CERS6: variants seen among roughly 807,000 people sequenced by gnomAD.
CERS6 encodes the protein LAG1 homolog, ceramide synthase 6.
Under a neutral mutation model 56.8 loss-of-function variants are expected in CERS6, and 26 were observed. The ratio of observed to expected loss-of-function variants is 0.46; its 90% confidence interval spans 0.34 to 0.63. CERS6 has a LOEUF of 0.63. CERS6 is among the 30% of genes least tolerant of loss of function. The pLI is 0.01. For synonymous variants in CERS6, 164 were observed against 173.3 expected, an observed-to-expected ratio of 0.95 and a Z score of 0.42; for missense variants, 415 against 467.5, an observed-to-expected ratio of 0.89 and a Z score of 1.04.
intron 1 of CERS6, among the ~76,000 whole-genome samples, chr2:168,457,005 T>C (rs914009761): frequency 2.0e-5 from 3 of 152,136 alleles, no homozygotes; most frequent in Non-Finnish European, 4.4e-5. Flanking sequence ...CAGGCAGGGC[T>C]TCCCGCCGGG....
At chr2:168,661,711 C>T (rs1685632590) in intron 4 of CERS6, among the ~76,000 whole-genome samples, 1 of 152,160 alleles carries the variant, frequency 6.6e-6, no homozygotes, top group East Asian at 1.9e-4. Flanking sequence ...GAATCACTAG[C>T]ACCTTTGAAA....
At chr2:168,645,142 T>TATATATATAG (rs753700977) in intron 4 of CERS6, among the ~76,000 whole-genome samples, 1 of 12,746 alleles carries the variant, frequency 7.8e-5, no homozygotes, top group Non-Finnish European at 1.5e-4. Flanking sequence ...TATATATATA[T>TATATATATAG]AGAGAGAGAG....
chr2:168,699,713 G>A lies in CERS6; in HGVS notation c.609+4662G>A, dbSNP rs776896593. 2.6e-5 allele frequency among the ~76,000 whole-genome samples: 4 copies of A among 151,936 alleles called. 1 individual carries two copies. The highest frequency in any genetic ancestry group is 6.4e-3 in the Middle Eastern group (2 of 314). On this transcript the variant is annotated intron_variant, in intron 6 of 9. Coordinates refer to ENST00000305747, the MANE Select transcript of CERS6 (RefSeq NM_203463.3). ...TCACTTGTAATCATTTCCAGAGTTG[G>A]TACTTATTTGGTCAGTGATGAGAAA...
chr2:168,481,413 C>T (rs1307856295), intron 1 of CERS6, among the ~76,000 whole-genome samples: 1 of 149,014 alleles, frequency 6.7e-6, no homozygotes, highest in African/African-American at 2.5e-5. Flanking sequence ...GACTCCGTCT[C>T]AAAAAAAAAC....
chr2:168,629,982 A>G (rs1417473276), intron 3 of CERS6, among the ~76,000 whole-genome samples: 1 of 151,742 alleles, frequency 6.6e-6, no homozygotes, highest in Non-Finnish European at 1.5e-5. Flanking sequence ...AAGCCTGTCT[A>G]ATTTTTTGTA....
At chr2:168,658,358 G>T (rs943659440) in intron 4 of CERS6, among the ~76,000 whole-genome samples, 1 of 152,182 alleles carries the variant, frequency 6.6e-6, no homozygotes, top group East Asian at 1.9e-4. Context: ...TTGCCTTTGC[G>T]TTGTTATGAT....
chr2:168,472,276 C>T (rs1693991028), intron 1 of CERS6, among the ~76,000 whole-genome samples: 2 of 152,166 alleles, frequency 1.3e-5, no homozygotes, highest in Non-Finnish European at 1.5e-5. Context: ...TGAATTATCA[C>T]AGCAAAGTGA....
intron 1 of CERS6, among the ~76,000 whole-genome samples, chr2:168,546,998 T>C (rs1381522576): frequency 2.0e-5 from 3 of 152,216 alleles, no homozygotes; most frequent in Admixed American, 1.3e-4. Context: ...CACTTGCGAC[T>C]TTTCATCTTG....
chr2:168,747,998 C>T (rs1437000964), intron 8 of CERS6, among the ~76,000 whole-genome samples: 1 of 152,096 alleles, frequency 6.6e-6, no homozygotes, highest in Non-Finnish European at 1.5e-5. Context: ...TTTCATAAGC[C>T]AGTTGTATTT....
intron 1 of CERS6, among the ~76,000 whole-genome samples, chr2:168,461,219 T>C (rs1490968718): frequency 6.6e-6 from 1 of 152,154 alleles, no homozygotes; most frequent in Non-Finnish European, 1.5e-5. Flanking sequence ...ATGCAATCAG[T>C]GCTGGATGTT....
intron 7 of CERS6, among the ~76,000 whole-genome samples, chr2:168,715,732 G>C (rs1471674583): frequency 1.3e-5 from 2 of 151,856 alleles, no homozygotes; most frequent in Non-Finnish European, 2.9e-5. Flanking sequence ...TATTTCAAAA[G>C]GTAAAATCCC....
intron 8 of CERS6, among the ~76,000 whole-genome samples, chr2:168,746,062 G>C (rs11883462): frequency 0.013 from 2,016 of 152,168 alleles, 47 homozygotes; most frequent in African/African-American, 0.046. Context: ...CGTTGCCAGA[G>C]CCTGGTAGGA....
chr2:168,661,779 G>A (rs1452528722), intron 4 of CERS6, among the ~76,000 whole-genome samples: 1 of 152,198 alleles, frequency 6.6e-6, no homozygotes, highest in African/African-American at 2.4e-5. Context: ...AAGCATTAAA[G>A]CTGCCTGGCT....
chr2:168,669,660 A>G (rs911668592), intron 4 of CERS6, among the ~76,000 whole-genome samples: 14 of 152,330 alleles, frequency 9.2e-5, no homozygotes, highest in African/African-American at 3.1e-4. Context: ...TAAAAAAAGT[A>G]AAAGTGATTC....
chr2:168,492,379 A>G (rs1446403819), intron 1 of CERS6, among the ~76,000 whole-genome samples: 4 of 152,120 alleles, frequency 2.6e-5, no homozygotes, highest in Non-Finnish European at 5.9e-5. Context: ...AGTGATGATG[A>G]GCTCTTTTTC....
intron 3 of CERS6, among the ~76,000 whole-genome samples, chr2:168,572,534 A>G (rs1247174906): frequency 6.6e-6 from 1 of 150,906 alleles, no homozygotes; most frequent in Non-Finnish European, 1.5e-5. Context: ...TTTTACGTAT[A>G]TATATAATAT....
At position 168,525,819 on chromosome 2, in the gene CERS6, T is replaced by TA; in HGVS notation, c.171-21777_171-21776insA. ...CTGCAGGTCTTTAAATAAGAACTCATTTAAGTCACTCTATGAGCTGTTGCC... is the reference window on the plus strand; with the variant it reads ...CTGCAGGTCTTTAAATAAGAACTCATATTAAGTCACTCTATGAGCTGTTGCC... On this transcript the variant is annotated intron_variant, in intron 1 of 9. Coordinates refer to ENST00000305747, the MANE Select transcript of CERS6 (RefSeq NM_203463.3). Among the ~76,000 whole-genome samples the TA allele has an allele frequency of 1.3e-5, 2 of 152,366 alleles. 1 individual carries two copies. Among genetic ancestry groups the TA allele is most frequent in the South Asian group, 4.1e-4 (2 of 4,830 alleles).
intron 4 of CERS6, among the ~76,000 whole-genome samples, chr2:168,669,696 A>T (rs900608753): frequency 1.3e-5 from 2 of 152,214 alleles, no homozygotes; most frequent in Non-Finnish European, 2.9e-5. Context: ...GTTGAAAATC[A>T]TTGCCCTTGT....
chr2:168,500,168 C>T (rs1390301863), intron 1 of CERS6, among the ~76,000 whole-genome samples: 1 of 152,162 alleles, frequency 6.6e-6, no homozygotes, highest in Non-Finnish European at 1.5e-5. Flanking sequence ...AAAATCCATT[C>T]ATATGACATT....
Sources: allele counts gnomAD v4.1 joint callset (sites outside exome capture counted in the v4.1 genomes callset), GRCh38; gene constraint gnomAD v4.1.1; transcripts MANE v1.5; gene names NCBI Gene and HGNC (gene_info 2026-07-23, HGNC 2026-07-21).